Variants in MAP7D2 observed in about 807,000 individuals in gnomAD.
MAP7D2 encodes the protein MAP7 domain containing 2.
A neutral mutation model predicts 63.5 loss-of-function variants in MAP7D2; 33 were observed. The ratio of observed to expected loss-of-function variants is 0.52; its 90% CI spans 0.39 to 0.70. The LOEUF (loss-of-function observed/expected upper bound fraction) is 0.70. MAP7D2 is among the 30% of genes least tolerant of loss of function. The probability of loss-of-function intolerance (pLI) is 0.00; values close to 1 mark genes in which losing one functional copy is unlikely to be tolerated. For missense variants in MAP7D2, 626 were observed against 604.0 expected (o/e 1.04, Z -0.38); for synonymous variants, 224 against 223.7 (o/e 1.00, Z -0.01).
At chrX:20,021,893 C>T (rs944375144) in intron 10 of MAP7D2, among the ~76,000 whole-genome samples, 1 of 111,777 alleles carries the variant, frequency 8.9e-6, no homozygotes, top group African/African-American at 3.3e-5. Flanking sequence ...CCTACTACTA[C>T]GATGGTTTCT....
chrX:20,058,032 C>G (rs2065108556), intron 3 of MAP7D2, among the ~76,000 whole-genome samples: 1 of 112,703 alleles, frequency 8.9e-6, no homozygotes, highest in Admixed American at 9.4e-5. Flanking sequence ...GACTGCCTCT[C>G]CAGGGACCTG....
chrX:20,063,697 T>C, intron 2 of MAP7D2, 120 bp from the exon 3 acceptor site: 1 of 766,440 alleles, frequency 1.3e-6, no homozygotes, highest in South Asian at 2.8e-5. Flanking sequence ...GATCCTAGCA[T>C]GCAGTGATTG....
At chrX:20,032,741 C>T (rs1031089195) in intron 8 of MAP7D2, among the ~76,000 whole-genome samples, 2 of 112,061 alleles carry the variant, frequency 1.8e-5, no homozygotes, top group African/African-American at 6.5e-5. Context: ...AAGATCTTAT[C>T]TTTTGAGTTT....
intron 1 of MAP7D2, among the ~76,000 whole-genome samples, chrX:20,098,457 G>A (rs902697894): frequency 8.9e-6 from 1 of 112,248 alleles, no homozygotes; most frequent in Non-Finnish European, 1.9e-5. Flanking sequence ...TAAACAACTG[G>A]AAGTGGTGTA....
intron 1 of MAP7D2, among the ~76,000 whole-genome samples, chrX:20,106,851 C>CACT (rs369343132): frequency 1.6e-3 from 178 of 110,974 alleles, no homozygotes; most frequent in African/African-American, 5.5e-3. Flanking sequence ...GGCATGGTGG[C>CACT]ACTCACCTGT....
At chrX:20,108,547 T>C (rs769571528) in intron 1 of MAP7D2, among the ~76,000 whole-genome samples, 5 of 110,514 alleles carry the variant, frequency 4.5e-5, no homozygotes, top group African/African-American at 6.6e-5. Flanking sequence ...GGGCATGCAT[T>C]TAGAACATTT....
At chrX:20,108,201 T>C (rs1217767261) in intron 1 of MAP7D2, among the ~76,000 whole-genome samples, 1 of 107,764 alleles carries the variant, frequency 9.3e-6, no homozygotes, top group East Asian at 2.9e-4. Flanking sequence ...CAATAAAGAA[T>C]AAAGGCATAA....
In MAP7D2 at chrX:20,013,844, C is replaced by G. The variant is rs1475571839; in HGVS notation, c.1750-219G>C. 2.7e-5 allele frequency among the ~76,000 whole-genome samples: 3 copies of G among 112,362 alleles called. No individual in the cohort carries two copies. The South Asian group carries it at 1.1e-3, about 42-fold the overall frequency. ...CAAATGCTTGAGAAGTTAACTAGTA[C>G]GTATCTAGAATCAATATTCGATTTA... On this transcript the variant is annotated intron_variant, in intron 12 of 16. Coordinates refer to ENST00000379643, the MANE Select transcript of MAP7D2 (RefSeq NM_001168465.2).
chrX:20,014,805 T>C (rs1269773621), intron 12 of MAP7D2, among the ~76,000 whole-genome samples: 1 of 110,994 alleles, frequency 9.0e-6, no homozygotes, highest in Non-Finnish European at 1.9e-5. Flanking sequence ...CAGGCTTAAC[T>C]TCCCGAGTTC....
intron 1 of MAP7D2, among the ~76,000 whole-genome samples, chrX:20,073,218 C>T (rs1407645028): frequency 9.0e-6 from 1 of 111,691 alleles, no homozygotes; most frequent in Non-Finnish European, 1.9e-5. Flanking sequence ...GTTCCAAAGG[C>T]AAACCTATGT....
At chrX:20,086,820 C>T (rs756740767) in intron 1 of MAP7D2, among the ~76,000 whole-genome samples, 10 of 111,383 alleles carry the variant, frequency 9.0e-5, no homozygotes, top group African/African-American at 3.3e-4. Flanking sequence ...CGCTCTGTTG[C>T]CCAGGCTGGA....
intron 8 of MAP7D2, among the ~76,000 whole-genome samples, chrX:20,032,557 T>C (rs2074082698): frequency 8.9e-6 from 1 of 111,891 alleles, no homozygotes; most frequent in African/African-American, 3.2e-5. Flanking sequence ...CAGACACCTT[T>C]ATCCTAATTT....
At chrX:20,073,200 T>A (rs1025762690) in intron 1 of MAP7D2, among the ~76,000 whole-genome samples, 1 of 111,728 alleles carries the variant, frequency 9.0e-6, no homozygotes, top group African/African-American at 3.3e-5. Flanking sequence ...ATCTAGATGA[T>A]ATATCTGGTT....
rs1303577303 is a variant in MAP7D2 at position 20,116,790 on chromosome X, C to G, written c.90G>C (p.Pro30=). ...GTSLPGKIAE[P]GAVRTSQPNY... ...TGGGCTGAGAGGTCCGCACCGCGCC[C>G]GGTTCTGCGATCTTCCCTGGGAGAG... The change falls in exon 1 of 17, where the codon CCG becomes CCC. Residue 30 remains proline (P), a synonymous_variant. Coordinates refer to ENST00000379643, the MANE Select transcript of MAP7D2 (RefSeq NM_001168465.2). The G allele has an allele frequency of 1.7e-6, 2 of 1,191,891 alleles. No homozygotes were observed. The highest frequency in any genetic ancestry group is 3.7e-5 in the South Asian group (2 of 54,287).
At chrX:20,054,720 T>TC (rs1388427854) in intron 4 of MAP7D2, among the ~76,000 whole-genome samples, 5 of 111,553 alleles carry the variant, frequency 4.5e-5, no homozygotes, top group Admixed American at 3.8e-4. Context: ...TAGCTGGGGC[T>TC]CCAGGCACCC....
At chrX:20,033,456 G>C (rs895638861) in intron 8 of MAP7D2, among the ~76,000 whole-genome samples, 60 of 112,159 alleles carry the variant, frequency 5.3e-4, no homozygotes, top group Middle Eastern at 4.6e-3. Flanking sequence ...TGGGAACAAA[G>C]CTATGCTCCA....
At chrX:20,031,436 G>A (rs2074047389) in intron 8 of MAP7D2, among the ~76,000 whole-genome samples, 1 of 110,774 alleles carries the variant, frequency 9.0e-6, no homozygotes, top group Non-Finnish European at 1.9e-5. Flanking sequence ...GGGACCCTGG[G>A]TTGGACCCTG....
At chrX:20,072,664 C>T (rs2065534856) in intron 1 of MAP7D2, among the ~76,000 whole-genome samples, 1 of 111,805 alleles carries the variant, frequency 8.9e-6, no homozygotes, top group Non-Finnish European at 1.9e-5. Context: ...CACTCAGACT[C>T]ACACACCAAT....
chrX:20,107,054 C>T (rs1370496956), intron 1 of MAP7D2, among the ~76,000 whole-genome samples: 1 of 110,444 alleles, frequency 9.1e-6, no homozygotes, highest in African/African-American at 3.3e-5. Flanking sequence ...ACGGCAAGGG[C>T]GGTAGGCTCG....
Sources: allele counts gnomAD v4.1 joint callset (sites outside exome capture counted in the v4.1 genomes callset), GRCh38; gene constraint gnomAD v4.1.1; transcripts MANE v1.5; gene names NCBI Gene and HGNC (gene_info 2026-07-23, HGNC 2026-07-21).